Variants in SAMD12 observed in about 807,000 individuals in gnomAD.
The protein encoded by SAMD12 is sterile alpha motif domain containing 12, also known as sterile alpha motif domain-containing protein 12.
Under a neutral mutation model 15.0 loss-of-function variants are expected in SAMD12, and 9 were observed. That is an observed-to-expected ratio of 0.60 (90% CI 0.36 to 1.05). The LOEUF (loss-of-function observed/expected upper bound fraction) is 1.05, where lower values mean the gene tolerates loss of function less well. Ranked by LOEUF, SAMD12 falls within the 50% of genes least tolerant of loss-of-function variation. SAMD12 has a pLI of 0.01. For missense variants in SAMD12, 230 were observed against 234.2 expected, an observed-to-expected ratio of 0.98 and a Z score of 0.12; for synonymous variants, 86 against 90.1, an observed-to-expected ratio of 0.96 and a Z score of 0.25.
At chr8:118,283,482 C>T (rs908706680) in intron 4 of SAMD12, among the ~76,000 whole-genome samples, 3 of 152,182 alleles carry the variant, frequency 2.0e-5, no homozygotes, top group Non-Finnish European at 2.9e-5. Context: ...ACGACTAATC[C>T]ATCACAGCAT....
At chr8:118,439,377 T>A (rs919547948) in intron 3 of SAMD12, among the ~76,000 whole-genome samples, 2 of 152,200 alleles carry the variant, frequency 1.3e-5, no homozygotes, top group African/African-American at 4.8e-5. Context: ...CACCATGGAC[T>A]CTTTCACATG....
chr8:118,343,309 A>G (rs1817465313), intron 4 of SAMD12, among the ~76,000 whole-genome samples: 1 of 151,992 alleles, frequency 6.6e-6, no homozygotes, highest in Non-Finnish European at 1.5e-5. Flanking sequence ...GTGTGGCTAC[A>G]TGATAGTTTT....
At chr8:118,217,142 T>C (rs1419543358) in intron 4 of SAMD12, among the ~76,000 whole-genome samples, 1 of 152,196 alleles carries the variant, frequency 6.6e-6, no homozygotes, top group Admixed American at 6.5e-5. Flanking sequence ...TAGCTGGGAC[T>C]ACAGATGCAC....
intron 2 of SAMD12, among the ~76,000 whole-genome samples, chr8:118,460,781 G>T (rs1275855573): frequency 6.6e-6 from 1 of 152,132 alleles, no homozygotes; most frequent in Non-Finnish European, 1.5e-5. Context: ...TAACAAGGCT[G>T]CCCACATGCA....
At chr8:118,450,533 A>G (rs1006604383) in intron 2 of SAMD12, among the ~76,000 whole-genome samples, 1 of 152,218 alleles carries the variant, frequency 6.6e-6, no homozygotes, top group African/African-American at 2.4e-5. Flanking sequence ...TGAATGTTCG[A>G]TGAATGAAAG....
intron 2 of SAMD12, among the ~76,000 whole-genome samples, chr8:118,512,634 T>G (rs989049651): frequency 6.6e-6 from 1 of 152,226 alleles, no homozygotes; most frequent in African/African-American, 2.4e-5. Context: ...TGTCCATTAC[T>G]TAGTCCCACT....
intron 2 of SAMD12, among the ~76,000 whole-genome samples, chr8:118,549,531 A>G (rs1315683131): frequency 1.3e-5 from 2 of 152,234 alleles, no homozygotes; most frequent in African/African-American, 4.8e-5. Context: ...ACCCATCTGT[A>G]TATCTCCATC....
At chr8:118,139,078 G>A in the SAMD12 span, among the ~76,000 whole-genome samples, 1 of 152,170 alleles carries the variant, frequency 6.6e-6, no homozygotes, top group Non-Finnish European at 1.5e-5. Context: ...GGAGGCAGAG[G>A]TGGTGGAAAT....
intron 3 of SAMD12, among the ~76,000 whole-genome samples, chr8:118,417,941 T>C (rs983396931): frequency 9.9e-5 from 15 of 152,240 alleles, no homozygotes; most frequent in Admixed American, 7.8e-4. Context: ...GTTTTGGACA[T>C]GAGGCCTTTG....
At chr8:118,553,770 C>T (rs941718624) in intron 2 of SAMD12, among the ~76,000 whole-genome samples, 121 of 150,612 alleles carry the variant, frequency 8.0e-4, no homozygotes, top group African/African-American at 2.5e-3. Flanking sequence ...AGAAACTTTT[C>T]GCAACCTACT....
At position 118,615,243 on chromosome 8, in the gene SAMD12, A is replaced by G. The variant is rs193109711; in HGVS notation, c.13+6561T>C. On this transcript the variant is annotated intron_variant, in intron 1 of 3. Transcript: ENST00000314727. ...AAAATCCTACTCAAAAGCTCACTCA[A>G]TGCTACCCCTTTCGTTAGGCTATCC... Among the ~76,000 whole-genome samples the G allele has an allele frequency of 2.9e-4, 44 of 152,190 alleles. No individual in the cohort carries two copies. The East Asian group carries it at 7.9e-3, about 27-fold the overall frequency.
chr8:118,379,066 C>G lies in SAMD12; in HGVS notation c.*351G>C, dbSNP rs74961998. 31,096 of 1,041,292 alleles carry G rather than the reference C, an allele frequency of 0.03. 527 individuals carry two copies. The highest frequency in any genetic ancestry group is 0.032 in the Non-Finnish European group (27,770 of 862,446). The allele number at this position is 1,041,292 out of a possible 1,614,324, so 64.5% of individuals were successfully genotyped here. A position where few individuals can be genotyped will look rare whatever the true frequency, so the allele number is the denominator to read the frequency against. On this transcript the variant is annotated 3_prime_UTR_variant, in exon 4 of 4. Transcript: ENST00000314727. The stretch of plus-strand genomic sequence containing the variant: ...ACATATCTAAAATGTTTTTCTCCCA[C>G]TAACCGGTGAAAAGCAAAACAAAAA...
intron 4 of SAMD12, among the ~76,000 whole-genome samples, chr8:118,371,215 T>C (rs547721130): frequency 6.6e-6 from 1 of 152,320 alleles, no homozygotes; most frequent in African/African-American, 2.4e-5. Flanking sequence ...AGTTTGACTT[T>C]TATTCTGTAG....
chr8:118,557,118 G>A (rs1490004713), intron 2 of SAMD12, among the ~76,000 whole-genome samples: 1 of 152,154 alleles, frequency 6.6e-6, no homozygotes, highest in Non-Finnish European at 1.5e-5. Context: ...TTGTAATGCC[G>A]GTAATCCCTA....
chr8:118,167,329 G>A, the SAMD12 span, among the ~76,000 whole-genome samples: 1 of 152,088 alleles, frequency 6.6e-6, no homozygotes, highest in African/African-American at 2.4e-5. Context: ...CACTCCAGGA[G>A]GCTGACTTGT....
intron 4 of SAMD12, among the ~76,000 whole-genome samples, chr8:118,314,675 C>T (rs1815794961): frequency 6.6e-6 from 1 of 152,172 alleles, no homozygotes; most frequent in Admixed American, 6.5e-5. Context: ...TTTTTCTCCA[C>T]TCAGCATAAT....
intron 4 of SAMD12, among the ~76,000 whole-genome samples, chr8:118,323,409 G>A (rs1418364876): frequency 6.6e-6 from 1 of 151,996 alleles, no homozygotes; most frequent in Non-Finnish European, 1.5e-5. Flanking sequence ...TCTGACATAG[G>A]ATGTCTAATA....
chr8:118,470,257 TA>T (rs58224508), intron 2 of SAMD12, among the ~76,000 whole-genome samples: 12,455 of 143,190 alleles, frequency 0.087, 1,361 homozygotes, highest in African/African-American at 0.29. Context: ...TTTTTTTTTT[TA>T]AAAAAAAAGG....
chr8:118,470,059 A>C (rs1011234278), intron 2 of SAMD12, among the ~76,000 whole-genome samples: 1 of 152,162 alleles, frequency 6.6e-6, no homozygotes, highest in Admixed American at 6.6e-5. Flanking sequence ...AGACAGAAAG[A>C]GAAAACTACA....
Sources: allele counts gnomAD v4.1 joint callset (sites outside exome capture counted in the v4.1 genomes callset), GRCh38; gene constraint gnomAD v4.1.1; transcripts MANE v1.5; gene names NCBI Gene and HGNC (gene_info 2026-07-23, HGNC 2026-07-21).